TMEM108: variants seen among roughly 807,000 people sequenced by gnomAD.
TMEM108 encodes the protein transmembrane protein 108, also known as cancer/testis antigen 124.
TMEM108 carries 12 observed loss-of-function variants against 35.1 expected under a neutral mutation model. That is an observed-to-expected ratio of 0.34 (90% CI 0.22 to 0.55). TMEM108 has a LOEUF of 0.55. TMEM108 is among the 20% of genes least tolerant of loss of function. The pLI is 0.89. For synonymous variants in TMEM108, 287 were observed against 308.6 expected (o/e 0.93, Z 0.73); for missense variants, 680 against 753.3 (o/e 0.90, Z 1.14).
intron 2 of TMEM108, among the ~76,000 whole-genome samples, chr3:133,057,467 A>G (rs1205091646): frequency 5.1e-5 from 2 of 38,950 alleles, no homozygotes; most frequent in African/African-American, 1.3e-4. Flanking sequence ...ATATATATAT[A>G]TATATATATA....
In TMEM108 at chr3:133,078,163, G is replaced by A. The variant is rs566673066; in HGVS notation, c.-47+32143G>A. On this transcript the variant is annotated intron_variant, in intron 2 of 5. Transcript: ENST00000321871. Reference sequence around the variant, plus strand: ...TCAGTGTGTGTGTGTGTGTGTGCACGCGCGCGCGCGCACACGTGTGTGTGT... The same window carrying A: ...TCAGTGTGTGTGTGTGTGTGTGCACACGCGCGCGCGCACACGTGTGTGTGT... Among the ~76,000 whole-genome samples the A allele has an allele frequency of 6.1e-4, 25 of 41,308 alleles. No individual in the cohort carries two copies. The South Asian group carries it at 8.6e-3, about 14-fold the overall frequency. The allele number at this position is 41,308 out of a possible 152,430, so 27.1% of individuals were successfully genotyped here. A position where few individuals can be genotyped will look rare whatever the true frequency, so the allele number is the denominator to read the frequency against.
At chr3:133,073,510 C>CTCTCTCTATATTTATATA in intron 2 of TMEM108, among the ~76,000 whole-genome samples, 1 of 43,920 alleles carries the variant, frequency 2.3e-5, no homozygotes, top group Non-Finnish European at 3.9e-5. Context: ...CTCTCTCTCT[C>CTCTCTCTATATTTATATA]TATATATATA....
intron 3 of TMEM108, among the ~76,000 whole-genome samples, chr3:133,261,610 C>G (rs1199432313): frequency 6.6e-6 from 1 of 152,290 alleles, no homozygotes; most frequent in African/African-American, 2.4e-5. Context: ...CTATTTTTCC[C>G]TCTCACAAGA....
chr3:133,117,395 TA>T, intron 2 of TMEM108, among the ~76,000 whole-genome samples: 1 of 152,294 alleles, frequency 6.6e-6, no homozygotes, highest in East Asian at 1.9e-4. Context: ...GAACAACCCT[TA>T]ATAAAGAGTA....
In TMEM108 at chr3:133,395,845, C is replaced by T; in HGVS notation, c.1606-19C>T. On this transcript the variant is annotated intron_variant, in intron 5 of 5. Coordinates refer to ENST00000321871, the MANE Select transcript of TMEM108 (RefSeq NM_023943.4). ...AAGCCTTCTCCAGCTCACTCCATCT[C>T]CTCCCTCTCTCTTCCCAGGACCAGC... 1.3e-6 allele frequency: 2 copies of T among 1,563,508 alleles called. No homozygotes were observed. The highest frequency in any genetic ancestry group is 1.7e-6 in the Non-Finnish European group (2 of 1,156,636).
chr3:133,137,679 G>A (rs2107751769), intron 2 of TMEM108, among the ~76,000 whole-genome samples: 1 of 152,320 alleles, frequency 6.6e-6, no homozygotes, highest in South Asian at 2.1e-4. Context: ...CAGCAGCAAA[G>A]ATGTCAGCTG....
chr3:133,121,881 G>C (rs1036749760), intron 2 of TMEM108, among the ~76,000 whole-genome samples: 2 of 152,038 alleles, frequency 1.3e-5, no homozygotes, highest in Non-Finnish European at 2.9e-5. Context: ...TTTTTTTAAC[G>C]GAGTGTTCCT....
At chr3:133,288,471 G>A (rs369436891) in intron 3 of TMEM108, among the ~76,000 whole-genome samples, 1 of 152,258 alleles carries the variant, frequency 6.6e-6, no homozygotes, top group South Asian at 2.1e-4. Context: ...TCTCCATGGG[G>A]GGGTGAATAG....
chr3:133,280,796 G>T (rs1430932837), intron 3 of TMEM108, among the ~76,000 whole-genome samples: 1 of 152,142 alleles, frequency 6.6e-6, no homozygotes, highest in Admixed American at 6.5e-5. Context: ...TGAATTGCAG[G>T]GATGGCTGGT....
At chr3:133,210,913 T>C (rs922100665) in intron 2 of TMEM108, among the ~76,000 whole-genome samples, 7 of 152,316 alleles carry the variant, frequency 4.6e-5, no homozygotes, top group African/African-American at 1.7e-4. Flanking sequence ...ATAAATGATG[T>C]ATTTTGAAAG....
At chr3:133,049,484 A>T (rs79599869) in intron 2 of TMEM108, among the ~76,000 whole-genome samples, 1 of 152,138 alleles carries the variant, frequency 6.6e-6, no homozygotes, top group Admixed American at 6.5e-5. Flanking sequence ...ATTTAGAATG[A>T]TAGTATGCTC....
At chr3:133,143,716 A>G (rs186259303) in intron 2 of TMEM108, among the ~76,000 whole-genome samples, 2 of 152,206 alleles carry the variant, frequency 1.3e-5, no homozygotes, top group African/African-American at 2.4e-5. Context: ...CTGCACTGAA[A>G]TGGGCTGCAG....
At chr3:133,118,019 G>A (rs1172327506) in intron 2 of TMEM108, among the ~76,000 whole-genome samples, 1 of 152,112 alleles carries the variant, frequency 6.6e-6, no homozygotes, top group East Asian at 1.9e-4. Flanking sequence ...TGGCTTCTGA[G>A]TACTCATTCT....
chr3:133,089,538 G>T (rs1202948650), intron 2 of TMEM108, among the ~76,000 whole-genome samples: 1 of 152,172 alleles, frequency 6.6e-6, no homozygotes, highest in African/African-American at 2.4e-5. Flanking sequence ...GGGCAGGTGA[G>T]TCTAGTGACA....
intron 2 of TMEM108, among the ~76,000 whole-genome samples, chr3:133,226,942 C>A (rs4130892): frequency 0.13 from 19,952 of 152,054 alleles, 1,417 homozygotes; most frequent in South Asian, 0.22. Context: ...TGGATGGTGG[C>A]AGGCAAAGAG....
At chr3:133,388,200 C>G (rs903440679) in intron 4 of TMEM108, 20 of 985,352 alleles carry the variant, frequency 2.0e-5, no homozygotes, top group African/African-American at 7.0e-5. Context: ...GTCACACCAG[C>G]TAGAACTCCT....
chr3:133,118,065 C>G (rs1944309108), intron 2 of TMEM108, among the ~76,000 whole-genome samples: 1 of 151,774 alleles, frequency 6.6e-6, no homozygotes, highest in African/African-American at 2.4e-5. Context: ...TGGTAGAGTA[C>G]TAACTCTAGG....
At chr3:133,200,214 C>T (rs1287334206) in intron 2 of TMEM108, among the ~76,000 whole-genome samples, 2 of 152,196 alleles carry the variant, frequency 1.3e-5, no homozygotes, top group Admixed American at 1.3e-4. Context: ...CTTGTGCTTA[C>T]CAGGTGAGGC....
chr3:133,081,057 A>G (rs577980537), intron 2 of TMEM108, among the ~76,000 whole-genome samples: 4 of 152,162 alleles, frequency 2.6e-5, no homozygotes, highest in Non-Finnish European at 4.4e-5. Flanking sequence ...TAAAATGTGG[A>G]TAATTACAGT....
Sources: allele counts gnomAD v4.1 joint callset (sites outside exome capture counted in the v4.1 genomes callset), GRCh38; gene constraint gnomAD v4.1.1; transcripts MANE v1.5; gene names NCBI Gene and HGNC (gene_info 2026-07-23, HGNC 2026-07-21).